The following DMGDH variants were observed in gnomAD, a reference collection of about 807,000 sequenced individuals.
DMGDH encodes dimethylglycine dehydrogenase.
DMGDH carries 76 observed loss-of-function variants against 95.2 expected under a neutral mutation model. The ratio of observed to expected loss-of-function variants is 0.80; its 90% CI spans 0.66 to 0.97. The LOEUF (loss-of-function observed/expected upper bound fraction) is 0.97. DMGDH is among the 50% of genes least tolerant of loss of function. The pLI, the probability that DMGDH is intolerant of heterozygous loss-of-function variation, is 0.00. For missense variants in DMGDH, 987 were observed against 1,055.0 expected, an observed-to-expected ratio of 0.94 and a Z score of 0.89; for synonymous variants, 345 against 377.6, an observed-to-expected ratio of 0.91 and a Z score of 1.00.
At chr5:79,059,369 T>C (rs1186956967) in intron 2 of DMGDH, among the ~76,000 whole-genome samples, 1 of 152,228 alleles carries the variant, frequency 6.6e-6, no homozygotes, top group Non-Finnish European at 1.5e-5. Flanking sequence ...GTGAGAGAAG[T>C]GCACGATTGG....
chr5:79,050,843 TA>T (rs1256828115), intron 5 of DMGDH, among the ~76,000 whole-genome samples: 1 of 152,146 alleles, frequency 6.6e-6, no homozygotes, highest in Non-Finnish European at 1.5e-5. Context: ...GAAAAGCATT[TA>T]AAAACTTTTT....
chr5:79,028,814 C>A (rs994234126), intron 11 of DMGDH, among the ~76,000 whole-genome samples, 164 bp from the exon 12 acceptor site: 2 of 152,066 alleles, frequency 1.3e-5, no homozygotes, highest in African/African-American at 2.4e-5. Context: ...AAACCAAGCC[C>A]CTGAGATGTT....
At chr5:79,057,446 A>C (rs1005470646) in intron 2 of DMGDH, among the ~76,000 whole-genome samples, 8 of 152,116 alleles carry the variant, frequency 5.3e-5, no homozygotes, top group Admixed American at 1.3e-4. Context: ...AAGTTTGTCA[A>C]TCATCCTTTA....
chr5:79,030,782 G>T (rs1467205003), intron 10 of DMGDH, 51 bp downstream of exon 10: 2 of 1,595,660 alleles, frequency 1.3e-6, no homozygotes, highest in African/African-American at 2.7e-5. Flanking sequence ...ATGGGATGAA[G>T]AATTAAATAG....
chr5:79,004,297 C>T (rs1005436145), intron 15 of DMGDH, among the ~76,000 whole-genome samples: 3 of 152,208 alleles, frequency 2.0e-5, no homozygotes, highest in African/African-American at 7.2e-5. Flanking sequence ...TTGACCCATG[C>T]TTTAGCCCCA....
intron 14 of DMGDH, among the ~76,000 whole-genome samples, chr5:79,014,724 C>A (rs962025834): frequency 3.3e-5 from 5 of 152,216 alleles, no homozygotes; most frequent in African/African-American, 9.6e-5. Flanking sequence ...ATACTTATGA[C>A]AAATTTATGG....
chr5:79,042,382 A>G lies in DMGDH; in HGVS notation c.1094T>C (p.Ile365Thr). Residue 365 changes from isoleucine (I) to threonine (T), a missense_variant, in exon 7 of 16, where the codon ATC becomes ACC. Physicochemically the swap from Ile to Thr is moderately conservative, Grantham distance 89. Transcript: ENST00000255189. Reference protein sequence around the residue: ...MVPVLKKADIINVVNGPITYS... With the variant: ...MVPVLKKADITNVVNGPITYS... The stretch of plus-strand genomic sequence containing the variant: ...CGTGATAGGACCATTGACAACATTG[A>G]TGATGTCAGCCTTTTTCAAGACAGG... 6.2e-7 allele frequency: 1 copy of G among 1,614,226 alleles called. No individual in the cohort carries two copies. The highest frequency in any genetic ancestry group is 8.5e-7 in the Non-Finnish European group (1 of 1,180,030).
chr5:79,044,609 C>A, intron 5 of DMGDH, 57 bp from the exon 6 acceptor site: 1 of 1,582,518 alleles, frequency 6.3e-7, no homozygotes, highest in South Asian at 1.1e-5. Flanking sequence ...ATAACTGACA[C>A]TCATATAGCA....
intron 7 of DMGDH, among the ~76,000 whole-genome samples, chr5:79,034,785 C>T (rs931040593): frequency 4.6e-5 from 7 of 152,182 alleles, no homozygotes; most frequent in African/African-American, 1.4e-4. Flanking sequence ...AGGCCGGGCG[C>T]GATGTCTCAC....
intron 2 of DMGDH, among the ~76,000 whole-genome samples, chr5:79,061,220 AACAC>A (rs34931005): frequency 0.39 from 55,570 of 141,588 alleles, 11,769 homozygotes; most frequent in East Asian, 0.62. Flanking sequence ...CTCTGTCTCA[AACAC>A]ACACACACAC....
chr5:79,012,765 T>G (rs1252629642), intron 14 of DMGDH, among the ~76,000 whole-genome samples: 1 of 152,226 alleles, frequency 6.6e-6, no homozygotes. Context: ...CAAGCTTTAC[T>G]AGGGCTCATT....
At chr5:79,010,298 T>C (rs748796713) in intron 14 of DMGDH, among the ~76,000 whole-genome samples, 1 of 152,168 alleles carries the variant, frequency 6.6e-6, no homozygotes, top group Non-Finnish European at 1.5e-5. Context: ...CTGAGATATG[T>C]AGTTAAAATC....
In DMGDH at chr5:79,055,814, C is replaced by A; in HGVS notation, c.371G>T (p.Gly124Val). 6.3e-7 allele frequency: 1 copy of A among 1,592,186 alleles called. No individual in the cohort carries two copies. Among genetic ancestry groups the A allele is most frequent in the South Asian group, 1.1e-5 (1 of 90,636 alleles). Reference sequence around the variant, plus strand: ...TTTCAAGTTAAATGCCTTTACCTGACCAGTTTCTTCTTCCAGTTTCTCATA... The same window carrying A: ...TTTCAAGTTAAATGCCTTTACCTGAACAGTTTCTTCTTCCAGTTTCTCATA... ...KLYEKLEEETGQVVGFHQPGS... is the reference protein window; with the variant it reads ...KLYEKLEEETVQVVGFHQPGS... The change falls in exon 3 of 16, where the codon GGT (glycine) becomes GTT (valine). Residue 124 changes from glycine to valine, a missense_variant. Transcript: ENST00000255189.
intron 6 of DMGDH, 144 bp downstream of exon 6, chr5:79,044,160 C>T (rs2112647714): frequency 3.6e-6 from 4 of 1,115,336 alleles, no homozygotes; most frequent in Non-Finnish European, 5.4e-6. Context: ...GAACAGAGCT[C>T]ACCTCAAACC....
intron 5 of DMGDH, among the ~76,000 whole-genome samples, chr5:79,045,014 C>T (rs1435997450): frequency 6.6e-6 from 1 of 152,164 alleles, no homozygotes; most frequent in East Asian, 1.9e-4. Flanking sequence ...GAAAGCCCTA[C>T]AAGCCAACTC....
At position 79,014,992 on chromosome 5, in the gene DMGDH, G is replaced by A. The variant is rs188853786; in HGVS notation, c.2250+9279C>T. Among the ~76,000 whole-genome samples, 4 of 152,166 alleles carry A rather than the reference G, an allele frequency of 2.6e-5. No individual in the cohort carries two copies. In the East Asian group the frequency reaches 5.8e-4, roughly 22 times the overall value. On this transcript the variant is annotated intron_variant, in intron 14 of 15. Transcript: ENST00000255189. Reference sequence around the variant, plus strand: ...GCAAGTGCAGAGTGCTATAGAAAACGGATTCTCAACACTCACCTGCCTCAA... The same window carrying A: ...GCAAGTGCAGAGTGCTATAGAAAACAGATTCTCAACACTCACCTGCCTCAA...
intron 5 of DMGDH, 29 bp downstream of exon 5, chr5:79,051,258 C>A: frequency 6.2e-7 from 1 of 1,608,092 alleles, no homozygotes; most frequent in Non-Finnish European, 8.5e-7. Flanking sequence ...ACTTAAAAAA[C>A]ACTAATTTCA....
intron 14 of DMGDH, among the ~76,000 whole-genome samples, chr5:79,019,245 C>T (rs760184976): frequency 8.5e-5 from 13 of 152,104 alleles, no homozygotes; most frequent in Non-Finnish European, 1.6e-4. Flanking sequence ...CTACCCAGTT[C>T]TAAAAGAAAA....
At position 79,055,894 on chromosome 5, in the gene DMGDH, A is replaced by C; in HGVS notation, c.291T>G (p.Thr97=). The C allele has an allele frequency of 1.2e-6, 2 of 1,609,500 alleles. No homozygotes were observed. The highest frequency in any genetic ancestry group is 1.7e-6 in the Non-Finnish European group (2 of 1,175,888). Reference sequence around the variant, plus strand: ...TCAAGTTTATTCCAGGATGAAAGTAAGTTGTTAAACCTGCCTTAAAAGCAG... The same window carrying C: ...TCAAGTTTATTCCAGGATGAAAGTACGTTGTTAAACCTGCCTTAAAAGCAG... ...GSTWHAAGLT[T]YFHPGINLKK... The change falls in exon 3 of 16, where the codon ACT becomes ACG. Residue 97 remains threonine (T), a synonymous_variant. Coordinates refer to ENST00000255189, the MANE Select transcript of DMGDH (RefSeq NM_013391.3).
Sources: allele counts gnomAD v4.1 joint callset (sites outside exome capture counted in the v4.1 genomes callset), GRCh38; gene constraint gnomAD v4.1.1; transcripts MANE v1.5; gene names NCBI Gene and HGNC (gene_info 2026-07-23, HGNC 2026-07-21).